The following NRXN3 variants were observed in gnomAD, a reference collection of about 807,000 sequenced individuals.
NRXN3 encodes the protein neurexin 3.
A neutral mutation model predicts 137.6 loss-of-function variants in NRXN3; 32 were observed. That is an observed-to-expected ratio of 0.23 (90% CI 0.18 to 0.31). The LOEUF is 0.31. Among genes scored for constraint, NRXN3 ranks in the 10% least tolerant of loss-of-function variants. The pLI is 1.00. For missense variants in NRXN3, 1,574 were observed against 2,062.5 expected (o/e 0.76, Z 4.59); for synonymous variants, 798 against 784.5 (o/e 1.02, Z -0.29).
At chr14:78,530,709 G>T (rs1315868931) in intron 4 of NRXN3, among the ~76,000 whole-genome samples, 1 of 152,156 alleles carries the variant, frequency 6.6e-6, no homozygotes, top group Non-Finnish European at 1.5e-5. Context: ...ACAAAAGCAG[G>T]TAAACTCTGC....
intron 15 of NRXN3, among the ~76,000 whole-genome samples, chr14:79,216,543 T>A (rs2068531616): frequency 6.6e-6 from 1 of 152,198 alleles, no homozygotes; most frequent in Non-Finnish European, 1.5e-5. Flanking sequence ...CAATATTGTT[T>A]GGTCATCTTA....
chr14:78,227,695 T>C (rs1311873119), intron 1 of NRXN3, among the ~76,000 whole-genome samples: 2 of 152,172 alleles, frequency 1.3e-5, no homozygotes, highest in African/African-American at 4.8e-5. Context: ...TCGTGGTGCT[T>C]ATAGGCTTGG....
intron 15 of NRXN3, among the ~76,000 whole-genome samples, chr14:79,240,438 C>A (rs2074094108): frequency 6.6e-6 from 1 of 152,094 alleles, no homozygotes; most frequent in South Asian, 2.1e-4. Flanking sequence ...CCCTTATGGT[C>A]CCTAACAGCC....
chr14:79,820,076 G>A (rs2099266719), intron 20 of NRXN3, among the ~76,000 whole-genome samples: 1 of 152,006 alleles, frequency 6.6e-6, no homozygotes. Flanking sequence ...CCCAAACCTT[G>A]GCTATGGGTT....
rs1292205112 is a variant in NRXN3, at chr14:78,957,381, A to C, written c.2395+20A>C. ...CTGAGGGTGAGTATGACTATGGTGA[A>C]ATTCGTCTGTCTTTTCTCTCAGTCC... On this transcript the variant is annotated intron_variant, in intron 11 of 20. Coordinates refer to ENST00000335750, the MANE Select transcript of NRXN3 (RefSeq NM_001330195.2). The C allele has an allele frequency of 6.3e-7, 1 of 1,595,290 alleles. No individual in the cohort carries two copies. The highest frequency in any genetic ancestry group is 1.7e-5 in the Admixed American group (1 of 59,244).
intron 8 of NRXN3, 131 bp downstream of exon 8, chr14:78,715,270 T>C: frequency 8.5e-7 from 1 of 1,172,868 alleles, no homozygotes; most frequent in Non-Finnish European, 1.2e-6. Flanking sequence ...GGTTTACTGA[T>C]TTCCAGATTG....
intron 16 of NRXN3, among the ~76,000 whole-genome samples, chr14:79,486,583 C>A (rs1173715167): frequency 6.6e-6 from 1 of 152,092 alleles, no homozygotes; most frequent in Non-Finnish European, 1.5e-5. Flanking sequence ...TACTGCAGAG[C>A]CTATAAGCGA....
At chr14:79,386,233 GC>G (rs1216612463) in intron 15 of NRXN3, among the ~76,000 whole-genome samples, 2 of 152,090 alleles carry the variant, frequency 1.3e-5, no homozygotes, top group Non-Finnish European at 2.9e-5. Context: ...ATCTCCTTAC[GC>G]TGAGAGGCAA....
chr14:79,861,689 C>G lies in NRXN3; in HGVS notation c.4441C>G (p.Arg1481Gly). 1 of 1,614,162 alleles carries G rather than the reference C, an allele frequency of 6.2e-7. No individual in the cohort carries two copies. The highest frequency in any genetic ancestry group is 8.5e-7 in the Non-Finnish European group (1 of 1,180,026). Reference sequence around the variant, plus strand: ...AAACCCCACGGAGCCGGGAATCAGACGGGTTCCGGGGGCCTCAGAGGTGAT... The same window carrying G: ...AAACCCCACGGAGCCGGGAATCAGAGGGGTTCCGGGGGCCTCAGAGGTGAT... ...TANPTEPGIR[R>G]VPGASEVIRE... The change falls in exon 21 of 21, where the codon CGG becomes GGG. Residue 1481 changes from arginine (R) to glycine (G), a missense_variant. This residue lies in a region of NRXN3 where 320 missense variants were observed against 387.1 expected (regional missense o/e 0.83). Coordinates refer to ENST00000335750, the MANE Select transcript of NRXN3 (RefSeq NM_001330195.2). The surrounding 1 kb of genome is among the most constrained non-coding windows in gnomAD (Gnocchi z 5.4).
rs940934777 is a variant in NRXN3 at position 78,781,546 on chromosome 14, C to T, written c.2045-22074C>T. Reference sequence around the variant, plus strand: ...TAGGTTTATTCACAAAGTTCTTACACTCCCTGCTCTCAATGGGACTGATGA... The same window carrying T: ...TAGGTTTATTCACAAAGTTCTTACATTCCCTGCTCTCAATGGGACTGATGA... On this transcript the variant is annotated intron_variant, in intron 8 of 20. Coordinates refer to ENST00000335750, the MANE Select transcript of NRXN3 (RefSeq NM_001330195.2). 2.0e-5 allele frequency among the ~76,000 whole-genome samples: 3 copies of T among 152,192 alleles called. No homozygotes were observed. The East Asian group carries it at 5.8e-4, about 29-fold the overall frequency.
At chr14:79,410,819 T>A (rs979200276) in intron 15 of NRXN3, among the ~76,000 whole-genome samples, 1 of 152,160 alleles carries the variant, frequency 6.6e-6, no homozygotes, top group Non-Finnish European at 1.5e-5. Flanking sequence ...TCCTAGGTAA[T>A]GCTGATACAA....
At chr14:78,460,281 C>T (rs574658265) in intron 4 of NRXN3, among the ~76,000 whole-genome samples, 11 of 152,342 alleles carry the variant, frequency 7.2e-5, no homozygotes, top group African/African-American at 2.4e-4. Flanking sequence ...GGCTTCATTA[C>T]ATAGGCATAA....
chr14:78,359,289 T>C (rs959222969), intron 4 of NRXN3, among the ~76,000 whole-genome samples: 2 of 152,126 alleles, frequency 1.3e-5, no homozygotes, highest in Non-Finnish European at 2.9e-5. Context: ...CTGGTTTTAA[T>C]TGGTCTCAGG....
chr14:78,830,990 A>T (rs2098980035), intron 10 of NRXN3, among the ~76,000 whole-genome samples: 1 of 152,210 alleles, frequency 6.6e-6, no homozygotes, highest in Non-Finnish European at 1.5e-5. Context: ...CACATTGAAG[A>T]ATACTTCTTG....
chr14:78,924,509 C>T (rs1466997274), intron 10 of NRXN3, among the ~76,000 whole-genome samples: 1 of 152,068 alleles, frequency 6.6e-6, no homozygotes, highest in African/African-American at 2.4e-5. Context: ...GATTTAACCC[C>T]CACTCTTCCA....
intron 16 of NRXN3, among the ~76,000 whole-genome samples, chr14:79,551,844 A>G (rs2097375400): frequency 6.6e-6 from 1 of 152,212 alleles, no homozygotes; most frequent in Admixed American, 6.5e-5. Flanking sequence ...CTCATAAAAA[A>G]TGCACCAGAT....
intron 15 of NRXN3, among the ~76,000 whole-genome samples, chr14:79,130,990 A>G (rs1338854819): frequency 6.6e-6 from 1 of 152,096 alleles, no homozygotes; most frequent in African/African-American, 2.4e-5. Flanking sequence ...AGGCTTCTGC[A>G]TTCTTCACGT....
intron 4 of NRXN3, among the ~76,000 whole-genome samples, chr14:78,322,189 C>A (rs778227707): frequency 2.0e-5 from 3 of 151,888 alleles, no homozygotes; most frequent in African/African-American, 4.8e-5. Flanking sequence ...ATGAAATAAG[C>A]CAAACCCTCA....
intron 10 of NRXN3, among the ~76,000 whole-genome samples, chr14:78,930,102 A>G (rs1205931674): frequency 6.6e-6 from 1 of 152,132 alleles, no homozygotes; most frequent in Non-Finnish European, 1.5e-5. Flanking sequence ...CTTTTTTTAT[A>G]CCTGTTTAAA....
Sources: allele counts gnomAD v4.1 joint callset (sites outside exome capture counted in the v4.1 genomes callset), GRCh38; gene constraint gnomAD v4.1.1; regional missense constraint gnomAD v4.1.1; non-coding constraint Gnocchi (gnomAD v3.1); transcripts MANE v1.5; gene names NCBI Gene and HGNC (gene_info 2026-07-23, HGNC 2026-07-21).